SMARCA2: variants seen among roughly 807,000 people sequenced by gnomAD.
SMARCA2 encodes SWI/SNF-related matrix-associated actin-dependent regulator of chromatin subfamily A member 2.
In SMARCA2, 61 loss-of-function variants were observed where a neutral mutation model predicts 199.8. That is an observed-to-expected ratio of 0.31 (90% CI 0.25 to 0.38). The LOEUF (loss-of-function observed/expected upper bound fraction) is 0.38, where lower values mean the gene tolerates loss of function less well. SMARCA2 is among the 10% of genes least tolerant of loss of function. The pLI, the probability that SMARCA2 is intolerant of heterozygous loss-of-function variation, is 1.00. For synonymous variants in SMARCA2, 935 were observed against 732.0 expected, an observed-to-expected ratio of 1.28 and a Z score of -4.48; for missense variants, 1,344 against 2,012.2, an observed-to-expected ratio of 0.67 and a Z score of 6.35.
intron 4 of SMARCA2, chr9:2,045,921 CT>C (rs1819822743): frequency 6.6e-6 from 1 of 152,078 alleles, no homozygotes; most frequent in Admixed American, 6.6e-5. Flanking sequence ...TCACATCCCC[CT>C]GTCAAAATGT....
rs1218358072 is a variant in SMARCA2, at chr9:2,033,070, A to G, written c.344A>G (p.Gln115Arg). The G allele has an allele frequency of 6.2e-7, 1 of 1,613,984 alleles. No individual in the cohort carries two copies. ...GMGPPQSPMD[Q>R]HSQGYMSPHP... ...GGCCCTCCCCAGAGTCCAATGGATC[A>G]ACACAGCCAAGGTTTGTGTCCGCTG... The change falls in exon 3 of 34, where the codon CAA (glutamine) becomes CGA (arginine). Residue 115 changes from glutamine to arginine, a missense_variant. By Grantham distance (43) the Gln-to-Arg change is conservative. Coordinates refer to ENST00000349721, the MANE Select transcript of SMARCA2 (RefSeq NM_003070.5).
chr9:2,037,497 C>T (rs181531224), intron 3 of SMARCA2, among the ~76,000 whole-genome samples: 12 of 152,272 alleles, frequency 7.9e-5, no homozygotes, highest in East Asian at 1.9e-4. Context: ...TAGGGGATCA[C>T]GCTAAATCTG....
At chr9:2,187,954 A>C (rs1827597349) in intron 32 of SMARCA2, among the ~76,000 whole-genome samples, 1 of 152,088 alleles carries the variant, frequency 6.6e-6, no homozygotes, top group African/African-American at 2.4e-5. Flanking sequence ...TTTATAAACA[A>C]ATTTATGTGT....
At chr9:2,079,402 G>C (rs958837396) in intron 14 of SMARCA2, among the ~76,000 whole-genome samples, 1 of 152,104 alleles carries the variant, frequency 6.6e-6, no homozygotes, top group African/African-American at 2.4e-5. Context: ...CTTAACACTT[G>C]GTACTGTGTC....
intron 29 of SMARCA2, among the ~76,000 whole-genome samples, chr9:2,174,544 T>G (rs530700327): frequency 7.2e-5 from 11 of 152,274 alleles, no homozygotes; most frequent in African/African-American, 2.4e-4. Context: ...GAGAGGCATT[T>G]GATTTTGTCT....
chr9:2,078,197 C>A (rs1821409074), intron 14 of SMARCA2, among the ~76,000 whole-genome samples: 1 of 152,176 alleles, frequency 6.6e-6, no homozygotes, highest in South Asian at 2.1e-4. Flanking sequence ...ATAGGCCAGG[C>A]ATGGTGGCTC....
Position 2,158,669 on chromosome 9 carries a change from A to C in SMARCA2, c.3982-3017A>C, listed in dbSNP as rs1480984886. ...AGTTTTGGGGTTTTTTTTGTGTGTG[A>C]CCCCCCAGCCCCCAGCGCTGAGTTT... On this transcript the variant is annotated intron_variant, in intron 27 of 33. Coordinates refer to ENST00000349721, the MANE Select transcript of SMARCA2 (RefSeq NM_003070.5). 9 of 329,612 alleles carry C rather than the reference A, an allele frequency of 2.7e-5. No homozygotes were observed. The South Asian group carries it at 9.0e-4, about 33-fold the overall frequency. The allele number at this position is 329,612 out of a possible 1,614,324, so 20.4% of individuals were successfully genotyped here.
chr9:2,084,309 A>T, intron 17 of SMARCA2, 113 bp downstream of exon 17: 7 of 541,142 alleles, frequency 1.3e-5, no homozygotes, highest in South Asian at 3.0e-5. Flanking sequence ...CCTTTTCTTT[A>T]TTTTTCTAAA....
chr9:2,037,577 A>T (rs72687581), intron 3 of SMARCA2, among the ~76,000 whole-genome samples: 1 of 152,180 alleles, frequency 6.6e-6, no homozygotes, highest in African/African-American at 2.4e-5. Context: ...CTTGTGAATT[A>T]TGATGGTGAA....
intron 19 of SMARCA2, among the ~76,000 whole-genome samples, chr9:2,093,043 G>T (rs1044389747): frequency 6.6e-6 from 1 of 152,162 alleles, no homozygotes; most frequent in Non-Finnish European, 1.5e-5. Flanking sequence ...TGCCTGCTCT[G>T]TACGTTATAC....
At chr9:2,131,654 G>C (rs979763020) in intron 27 of SMARCA2, among the ~76,000 whole-genome samples, 2 of 152,106 alleles carry the variant, frequency 1.3e-5, no homozygotes, top group Admixed American at 1.3e-4. Context: ...TAATTTTGGG[G>C]TTTTCTTCTT....
In SMARCA2 at chr9:2,191,238, G is replaced by A. The variant is rs370348005; in HGVS notation, c.4595-28G>A. On this transcript the variant is annotated intron_variant, in intron 32 of 33. Transcript: ENST00000349721. ...AAGATCTCCTTGTGATTACTCACTG[G>A]TGTCTATTTCATTTGCTTTGGTTTT... 1.6e-5 allele frequency: 26 copies of A among 1,610,266 alleles called. No homozygotes were observed. In the African/African-American group the frequency reaches 2.7e-4, roughly 17 times the overall value.
chr9:2,169,125 C>T lies in SMARCA2; in HGVS notation c.4200-1294C>T, dbSNP rs550760820. On this transcript the variant is annotated intron_variant, in intron 28 of 33. Coordinates refer to ENST00000349721, the MANE Select transcript of SMARCA2 (RefSeq NM_003070.5). The surrounding 1 kb of genome is among the most constrained non-coding windows in gnomAD (Gnocchi z 6.5). ...GCCTTATTGCTGACACTCAGAGTCC[C>T]CTCAACCTGCTCCTAATTGTCCCTA... 7.6e-4 allele frequency among the ~76,000 whole-genome samples: 115 copies of T among 152,212 alleles called. No homozygotes were observed. The highest frequency in any genetic ancestry group is 2.7e-3 in the African/African-American group (111 of 41,532).
intron 29 of SMARCA2, among the ~76,000 whole-genome samples, chr9:2,175,854 C>T (rs949866412): frequency 6.6e-6 from 1 of 151,574 alleles, no homozygotes; most frequent in African/African-American, 2.4e-5. Context: ...AATTTGATAT[C>T]CTCTGTTTTT....
chr9:2,048,755 A>G (rs1243425753), intron 5 of SMARCA2, among the ~76,000 whole-genome samples: 3 of 152,152 alleles, frequency 2.0e-5, no homozygotes, highest in African/African-American at 7.2e-5. Context: ...CCACCATTTC[A>G]TGTATTCCCA....
intron 25 of SMARCA2, among the ~76,000 whole-genome samples, chr9:2,118,395 G>A (rs549306208): frequency 6.6e-6 from 1 of 152,296 alleles, no homozygotes; most frequent in South Asian, 2.1e-4. Flanking sequence ...AGTTCCTGCA[G>A]TGCGAAAGAC....
In SMARCA2 at chr9:2,169,494, G is replaced by A. The variant is rs998177754; in HGVS notation, c.4200-925G>A. ...CAAAGAATTCTGTGTATTTTGAAGCGAGCACATGCGCTTCCACCCCTCTGT... is the reference window on the plus strand; with the variant it reads ...CAAAGAATTCTGTGTATTTTGAAGCAAGCACATGCGCTTCCACCCCTCTGT... On this transcript the variant is annotated intron_variant, in intron 28 of 33. Transcript: ENST00000349721. The surrounding 1 kb of genome is among the most constrained non-coding windows in gnomAD (Gnocchi z 6.5). Among the ~76,000 whole-genome samples, 7 of 152,008 alleles carry A rather than the reference G, an allele frequency of 4.6e-5. No individual in the cohort carries two copies. The highest frequency in any genetic ancestry group is 1.7e-4 in the African/African-American group (7 of 41,356).
At chr9:2,053,673 C>G (rs1360279923) in intron 5 of SMARCA2, among the ~76,000 whole-genome samples, 1 of 152,170 alleles carries the variant, frequency 6.6e-6, no homozygotes, top group Non-Finnish European at 1.5e-5. Flanking sequence ...TTGTTGAAAT[C>G]TAGTTCAGTA....
At chr9:2,131,887 C>T (rs1196277329) in intron 27 of SMARCA2, among the ~76,000 whole-genome samples, 1 of 145,582 alleles carries the variant, frequency 6.9e-6, no homozygotes, top group African/African-American at 2.5e-5. Flanking sequence ...CGCAGTGAGC[C>T]AAGATCACAC....
Sources: gnomAD v4.1 joint callset for allele counts (sites outside exome capture counted in the v4.1 genomes callset) on GRCh38, gnomAD v4.1.1 for gene constraint, Gnocchi (gnomAD v3.1) non-coding constraint, MANE v1.5 for transcripts, NCBI Gene and HGNC (gene_info 2026-07-23, HGNC 2026-07-21) for gene names.